CCDC57: variants seen among roughly 807,000 people sequenced by gnomAD.
CCDC57 encodes the protein coiled-coil domain containing 57.
Under a neutral mutation model 118.9 loss-of-function variants are expected in CCDC57, and 118 were observed. The ratio of observed to expected loss-of-function variants is 0.99; its 90% CI spans 0.86 to 1.16. The LOEUF is 1.16. Among genes scored for constraint, CCDC57 ranks in the 50% most tolerant of loss-of-function variants. The pLI is 0.00. For synonymous variants in CCDC57, 527 were observed against 532.9 expected, an observed-to-expected ratio of 0.99 and a Z score of 0.15; for missense variants, 1,300 against 1,320.7, an observed-to-expected ratio of 0.98 and a Z score of 0.24.
chr17:82,201,781 T>C (rs781243792), exon 3 of CCDC57: 5 of 1,613,670 alleles, frequency 3.1e-6, no homozygotes, highest in Non-Finnish European at 3.4e-6. Flanking sequence ...GACAAAGTCC[T>C]CCTGCAGGCA....
chr17:82,101,539 G>T, exon 20 of CCDC57: 1 of 701,186 alleles, frequency 1.4e-6, no homozygotes, highest in Non-Finnish European at 2.3e-6. Context: ...GGTCGCCTCA[G>T]CAGCATTTGG....
chr17:82,190,596 G>A (rs909680863), intron 7 of CCDC57, among the ~76,000 whole-genome samples: 2 of 150,632 alleles, frequency 1.3e-5, no homozygotes, highest in Non-Finnish European at 2.9e-5. Flanking sequence ...TTGGGAGGCT[G>A]AGGCATGAGA....
intron 13 of CCDC57, among the ~76,000 whole-genome samples, chr17:82,167,948 G>C (rs903471432): frequency 3.3e-5 from 5 of 152,190 alleles, no homozygotes; most frequent in African/African-American, 9.7e-5. Flanking sequence ...AAGTGTGAAA[G>C]AATGTCTATC....
chr17:82,173,466 T>C (rs1326448967), intron 11 of CCDC57, among the ~76,000 whole-genome samples: 1 of 151,910 alleles, frequency 6.6e-6, no homozygotes, highest in Non-Finnish European at 1.5e-5. Context: ...CTGGAGACCA[T>C]GAACAAGGTG....
intron 17 of CCDC57, among the ~76,000 whole-genome samples, chr17:82,130,046 T>A (rs1191627025): frequency 6.6e-6 from 1 of 151,776 alleles, no homozygotes; most frequent in African/African-American, 2.4e-5. Flanking sequence ...AAAAAAAAAT[T>A]AAAAATTAGA....
At chr17:82,137,575 C>T (rs1330852897) in intron 16 of CCDC57, among the ~76,000 whole-genome samples, 2 of 152,068 alleles carry the variant, frequency 1.3e-5, no homozygotes, top group Non-Finnish European at 2.9e-5. Flanking sequence ...TATTATTTCT[C>T]AGGTACCCAT....
rs1407238628 is a variant in CCDC57 at position 82,118,712 on chromosome 17, A to C, written c.2899+8980T>G. On this transcript the variant is annotated intron_variant, in intron 19 of 19. Transcript: ENST00000665763. This position sits in a 1 kb window ranked among gnomAD's most constrained non-coding sequence, Gnocchi z 4.7. ...TGCCTTAGGGAGAGCTTCCGTCCGC[A>C]CTGGGTGCCACTCAGTCTGCCGCGC... Among the ~76,000 whole-genome samples, 1 of 152,090 alleles carries C rather than the reference A, an allele frequency of 6.6e-6. No homozygotes were observed. Among genetic ancestry groups the C allele is most frequent in the Non-Finnish European group, 1.5e-5 (1 of 68,014 alleles).
intron 2 of CCDC57, among the ~76,000 whole-genome samples, chr17:82,205,100 ACCTGTGC>A (rs2049459032): frequency 2.9e-5 from 2 of 68,180 alleles, no homozygotes; most frequent in African/African-American, 1.4e-4. Context: ...ACATGCACAC[ACCTGTGC>A]ACACACCTGT....
At chr17:82,113,714 C>T in intron 19 of CCDC57, 1 of 710,890 alleles carries the variant, frequency 1.4e-6, no homozygotes, top group South Asian at 1.5e-5. Context: ...GGCAGGACTG[C>T]TTGAGCCCAG....
chr17:82,139,780 G>A (rs1302822415), intron 16 of CCDC57, among the ~76,000 whole-genome samples: 1 of 152,184 alleles, frequency 6.6e-6, no homozygotes, highest in Non-Finnish European at 1.5e-5. Context: ...ACAGGCTTCT[G>A]ATGGCGGCAT....
intron 9 of CCDC57, among the ~76,000 whole-genome samples, chr17:82,181,303 C>T (rs113377872): frequency 6.6e-6 from 1 of 152,230 alleles, no homozygotes; most frequent in Non-Finnish European, 1.5e-5. Flanking sequence ...CTCGTCAGGG[C>T]GGCCGGCGGA....
intron 7 of CCDC57, among the ~76,000 whole-genome samples, chr17:82,193,419 C>T (rs1455371655): frequency 6.6e-6 from 1 of 151,958 alleles, no homozygotes; most frequent in Non-Finnish European, 1.5e-5. Flanking sequence ...TGGTTGTGCA[C>T]GCCTATAGCA....
intron 9 of CCDC57, among the ~76,000 whole-genome samples, chr17:82,182,645 C>T (rs1035095525): frequency 3.3e-5 from 5 of 151,106 alleles, no homozygotes; most frequent in Admixed American, 6.6e-5. Flanking sequence ...TGAGCCACCG[C>T]GCCCGGCCCA....
intron 11 of CCDC57, chr17:82,175,539 G>C (rs1232372823): frequency 6.6e-6 from 1 of 152,186 alleles, no homozygotes. Flanking sequence ...AAATTCAAAA[G>C]AATGCAACCA....
intron 16 of CCDC57, chr17:82,135,531 C>G (rs1452658137): frequency 6.6e-6 from 1 of 152,176 alleles, no homozygotes; most frequent in Non-Finnish European, 1.5e-5. Flanking sequence ...GAGATGGGCC[C>G]TCAAGTAAAG....
chr17:82,208,508 G>A (rs959719381), intron 1 of CCDC57, among the ~76,000 whole-genome samples: 2 of 151,960 alleles, frequency 1.3e-5, no homozygotes, highest in Non-Finnish European at 2.9e-5. Context: ...ACCCGCCTCG[G>A]CCTCCCGAAG....
chr17:82,140,173 C>G (rs1287684349), intron 16 of CCDC57, among the ~76,000 whole-genome samples: 3 of 152,152 alleles, frequency 2.0e-5, no homozygotes, highest in African/African-American at 7.2e-5. Context: ...GCAAGCTCCG[C>G]CTCCCCAGTT....
intron 1 of CCDC57, among the ~76,000 whole-genome samples, chr17:82,209,807 ACAC>A (rs2050042777): frequency 6.6e-6 from 1 of 152,220 alleles, no homozygotes; most frequent in East Asian, 1.9e-4. Flanking sequence ...ATATACAGAG[ACAC>A]AGATATACTG....
chr17:82,201,396 A>T, intron 3 of CCDC57, 142 bp downstream of exon 2: 1 of 1,070,714 alleles, frequency 9.3e-7, no homozygotes, highest in Non-Finnish European at 1.3e-6. Flanking sequence ...CCACTCAGAC[A>T]GACCAGCTCC....
Sources: gnomAD v4.1 joint callset for allele counts (sites outside exome capture counted in the v4.1 genomes callset) on GRCh38, gnomAD v4.1.1 for gene constraint, Gnocchi (gnomAD v3.1) non-coding constraint, MANE v1.5 for transcripts, NCBI Gene and HGNC (gene_info 2026-07-23, HGNC 2026-07-21) for gene names.